Variants in HSPB7 observed in about 807,000 individuals in gnomAD.
HSPB7 encodes heat shock protein beta-7.
In HSPB7, 9 loss-of-function variants were observed where a neutral mutation model predicts 11.0. The ratio of observed to expected loss-of-function variants is 0.82; its 90% confidence interval spans 0.49 to 1.43. The LOEUF (loss-of-function observed/expected upper bound fraction) is 1.43, where lower values mean the gene tolerates loss of function less well. Ranked by LOEUF, HSPB7 falls within the 40% of genes most tolerant of loss-of-function variation. The pLI, the probability that HSPB7 is intolerant of heterozygous loss-of-function variation, is 0.00. For missense variants in HSPB7, 246 were observed against 243.9 expected, an observed-to-expected ratio of 1.01 and a Z score of -0.06; for synonymous variants, 102 against 101.6, an observed-to-expected ratio of 1.00 and a Z score of -0.02.
chr1:16,016,084 A>C (rs11802877), intron 2 of HSPB7, among the ~76,000 whole-genome samples: 1,612 of 152,344 alleles, frequency 0.011, 35 homozygotes, highest in African/African-American at 0.037. Context: ...GTGACAGAGG[A>C]GAGCCGTGCC....
chr1:16,019,324 T>G (rs1201651350), upstream of HSPB7: 1 of 1,424,888 alleles, frequency 7.0e-7, no homozygotes, highest in Non-Finnish European at 9.7e-7. Context: ...CCAGTCCAGA[T>G]GCCCCCAGCA....
At chr1:16,018,312 C>T, upstream of HSPB7, 1 of 1,292,966 alleles carries the variant, frequency 7.7e-7, no homozygotes, top group African/African-American at 1.5e-5. Context: ...GACCTCGGTG[C>T]CTGCCCCAGA....
chr1:16,015,630 G>A lies in HSPB7; in HGVS notation c.463C>T (p.Pro155Ser), dbSNP rs2021648765. 6.2e-7 allele frequency: 1 copy of A among 1,613,936 alleles called. No homozygotes were observed. The highest frequency in any genetic ancestry group is 8.5e-7 in the Non-Finnish European group (1 of 1,179,986). Residue 155 changes from proline (P) to serine (S), a missense_variant, in exon 3 of 3, where the codon CCG (proline) becomes TCG (serine). Physicochemically the swap from Pro to Ser is moderately conservative, Grantham distance 74. Transcript: ENST00000311890. The surrounding 1 kb of genome is among the most constrained non-coding windows in gnomAD (Gnocchi z 4.9). Reference sequence around the variant, plus strand: ...GTCTGCTGGACGTGTTCTGTATGCGGGTGACGCCGTGCCCGGATAGTGAGG... The same window carrying A: ...GTCTGCTGGACGTGTTCTGTATGCGAGTGACGCCGTGCCCGGATAGTGAGG... ...GSLTIRARRH[P>S]HTEHVQQTFR...
chr1:16,016,824 T>TG (rs2148843042), intron 2 of HSPB7, among the ~76,000 whole-genome samples: 1 of 152,096 alleles, frequency 6.6e-6, no homozygotes, highest in Non-Finnish European at 1.5e-5. Context: ...CCTCTCCCAT[T>TG]CCTCGGAGGC....
upstream of HSPB7, chr1:16,018,109 C>G (rs1323911419): frequency 1.3e-6 from 2 of 1,554,226 alleles, no homozygotes; most frequent in Non-Finnish European, 1.7e-6. Context: ...AGCCCCTTGT[C>G]TACTAGCTAA....
chr1:16,018,362 CCGT>C, upstream of HSPB7: 1 of 1,203,604 alleles, frequency 8.3e-7, no homozygotes, highest in Non-Finnish European at 1.1e-6. Flanking sequence ...TTTGTTTCCC[CCGT>C]CAGCCTGGGG....
rs200240921 is a variant in HSPB7, at chr1:16,017,885, A to G, written c.79T>C (p.Ser27Pro). 14 of 1,613,504 alleles carry G rather than the reference A, an allele frequency of 8.7e-6. No homozygotes were observed. The East Asian group carries it at 2.7e-4, about 31-fold the overall frequency. ...GGGAGAGCACGGGAGGCCGAGGAGG[A>G]GGTGGAAGAGGAGGAGGAAGAGGAA... ...SSSSSSSSST[S>P]SSASRALPAQ... Residue 27 changes from serine (S) to proline (P), a missense_variant, in exon 1 of 3, where the codon TCC becomes CCC. By Grantham distance (74) the Ser-to-Pro change is moderately conservative. Coordinates refer to ENST00000311890, the MANE Select transcript of HSPB7 (RefSeq NM_014424.5).
At position 16,017,833 on chromosome 1, in the gene HSPB7, G is replaced by T; in HGVS notation, c.131C>A (p.Ala44Asp). 6.2e-7 allele frequency: 1 copy of T among 1,613,840 alleles called. No individual in the cohort carries two copies. The highest frequency in any genetic ancestry group is 8.5e-7 in the Non-Finnish European group (1 of 1,179,866). Residue 44 changes from alanine (A) to aspartate (D), a missense_variant, in exon 1 of 3, where the codon GCC (alanine) becomes GAC (aspartate). Physicochemically the swap from Ala to Asp is moderately radical, Grantham distance 126. Coordinates refer to ENST00000311890, the MANE Select transcript of HSPB7 (RefSeq NM_014424.5). ...LPAQDPPMEK[A>D]LSMFSDDFGS... ...AAAGTCATCGGAAAACATGCTCAGG[G>T]CCTTCTCCATGGGCGGGTCCTGGGC...
At chr1:16,019,266 TC>T (rs1262812160), upstream of HSPB7, 1 of 1,505,004 alleles carries the variant, frequency 6.6e-7, no homozygotes, top group South Asian at 1.2e-5. Context: ...CAATGCCTCC[TC>T]CCCCAGGGAG....
At chr1:16,017,703 G>A (rs1019054450) in intron 1 of HSPB7, 62 bp downstream of exon 1, 19 of 1,401,518 alleles carry the variant, frequency 1.4e-5, no homozygotes, top group Admixed American at 2.5e-5. Context: ...CTTCGGTGGC[G>A]CCCTGGAGCA....
rs748963379 is a variant in HSPB7, at chr1:16,015,730, G to A, written c.363C>T (p.Thr121=). The A allele has an allele frequency of 2.5e-6, 4 of 1,607,618 alleles. No individual in the cohort carries two copies. The African/African-American group carries it at 5.3e-5, about 21-fold the overall frequency. The change falls in exon 3 of 3, where the codon ACC becomes ACT. Residue 121 remains threonine, a synonymous_variant. Coordinates refer to ENST00000311890, the MANE Select transcript of HSPB7 (RefSeq NM_014424.5). The surrounding 1 kb of genome is among the most constrained non-coding windows in gnomAD (Gnocchi z 4.9). ...CCGGCAGCTGGCACTTGTGAGCGAA[G>A]GTGTTCATGACAGTGCCGTCAGCCG... ...KLAADGTVMN[T]FAHKCQLPED...
Position 16,017,167 on chromosome 1 carries a change from G to A in HSPB7, c.240C>T (p.Asp80=), listed in dbSNP as rs375685531. The A allele has an allele frequency of 1.7e-5, 28 of 1,613,704 alleles. No homozygotes were observed. Among genetic ancestry groups the A allele is most frequent in the South Asian group, 9.9e-5 (9 of 91,078 alleles). The change falls in exon 2 of 3, where the codon GAC becomes GAT. Residue 80 remains aspartate (D), a synonymous_variant. Transcript: ENST00000311890. Reference sequence around the variant, plus strand: ...TCACGTCCACCGCAAACTCATAGGCGTCTCCTAGGGTCTTGATGTTGCCTG... The same window carrying A: ...TCACGTCCACCGCAAACTCATAGGCATCTCCTAGGGTCTTGATGTTGCCTG... ...GGAGNIKTLG[D]AYEFAVDVRD...
At chr1:16,018,714 G>T (rs948385132), upstream of HSPB7, 143 of 1,036,890 alleles carry the variant, frequency 1.4e-4, no homozygotes, top group African/African-American at 2.2e-3. Flanking sequence ...TGTGTTCCCG[G>T]CAACTGTCTG....
intron 1 of HSPB7, chr1:16,017,545 A>G: frequency 3.4e-6 from 2 of 593,930 alleles, no homozygotes; most frequent in Non-Finnish European, 5.9e-6. Context: ...CCATGGAACC[A>G]TGTCCAACCC....
chr1:16,019,518 C>CG, upstream of HSPB7: 3 of 1,506,134 alleles, frequency 2.0e-6, no homozygotes, highest in East Asian at 2.5e-5. Context: ...GTCTGAGCCC[C>CG]CTACAACCCA....
chr1:16,014,987 G>C lies in HSPB7; in HGVS notation c.*593C>G, dbSNP rs575937908. The stretch of plus-strand genomic sequence containing the variant: ...GCATGGCTCTGCCCTGGCACAGCCA[G>C]CTGGCTGGGGGCACGGGGTGGGCAG... On this transcript the variant is annotated 3_prime_UTR_variant, in exon 3 of 3. Transcript: ENST00000311890. 1 of 154,880 alleles carries C rather than the reference G, an allele frequency of 6.5e-6. No homozygotes were observed. The highest frequency in any genetic ancestry group is 1.9e-4 in the East Asian group (1 of 5,194). 9.6% of individuals were successfully genotyped at this position (154,880 alleles called of 1,614,324 possible).
At chr1:16,018,103 C>T (rs2021905630), upstream of HSPB7, 1 of 1,557,836 alleles carries the variant, frequency 6.4e-7, no homozygotes. Flanking sequence ...GGGGCCAGCC[C>T]CTTGTCTACT....
Position 16,017,996 on chromosome 1 carries a change from C to A in HSPB7, c.-33G>T, listed in dbSNP as rs769320597. 4.3e-6 allele frequency: 7 copies of A among 1,612,196 alleles called. No individual in the cohort carries two copies. The highest frequency in any genetic ancestry group is 5.9e-6 in the Non-Finnish European group (7 of 1,179,522). ...CGGCGCCGGGCCCTGCCCAGGCGGG[C>A]GAGGGCTGGACAGGAGAGGGTGTGG... On this transcript the variant is annotated 5_prime_UTR_variant, in exon 1 of 3. Transcript: ENST00000311890.
intron 2 of HSPB7, among the ~76,000 whole-genome samples, chr1:16,016,302 G>A (rs2021722929): frequency 6.6e-6 from 1 of 152,178 alleles, no homozygotes; most frequent in South Asian, 2.1e-4. Flanking sequence ...ATCCACCCTT[G>A]AATGTGGAGG....
Sources: allele counts gnomAD v4.1 joint callset (sites outside exome capture counted in the v4.1 genomes callset), GRCh38; gene constraint gnomAD v4.1.1; non-coding constraint Gnocchi (gnomAD v3.1); transcripts MANE v1.5; gene names NCBI Gene and HGNC (gene_info 2026-07-23, HGNC 2026-07-21).